TECPR2: variants seen among roughly 807,000 people sequenced by gnomAD.
TECPR2 encodes the protein tectonin beta-propeller repeat containing 2.
Under a neutral mutation model 138.1 loss-of-function variants are expected in TECPR2, and 65 were observed. The ratio of observed to expected loss-of-function variants is 0.47; its 90% confidence interval spans 0.39 to 0.58. The LOEUF is 0.58. TECPR2 is among the 20% of genes least tolerant of loss of function. The pLI, the probability that TECPR2 is intolerant of heterozygous loss-of-function variation, is 0.00. For missense variants in TECPR2, 1,553 were observed against 1,824.5 expected, an observed-to-expected ratio of 0.85 and a Z score of 2.71; for synonymous variants, 746 against 749.8, an observed-to-expected ratio of 0.99 and a Z score of 0.08.
intron 11 of TECPR2, among the ~76,000 whole-genome samples, chr14:102,442,650 C>T (rs1244452295): frequency 6.6e-6 from 1 of 152,162 alleles, no homozygotes; most frequent in Non-Finnish European, 1.5e-5. Flanking sequence ...TGGATTAGGT[C>T]CAATCCCTCT....
chr14:102,479,576 T>C (rs952588228), intron 17 of TECPR2, among the ~76,000 whole-genome samples: 6 of 152,194 alleles, frequency 3.9e-5, no homozygotes, highest in African/African-American at 1.4e-4. Context: ...GGAAATTCTT[T>C]GGCCTGATTC....
At chr14:102,435,266 T>C (rs1284346419) in intron 9 of TECPR2, 55 bp downstream of exon 9, 5 of 1,528,034 alleles carry the variant, frequency 3.3e-6, no homozygotes, top group Non-Finnish European at 4.4e-6. Flanking sequence ...TTAAGGGTAA[T>C]AATTGTCAAG....
At chr14:102,480,211 G>GTT (rs781152101) in intron 17 of TECPR2, among the ~76,000 whole-genome samples, 180 of 71,342 alleles carry the variant, frequency 2.5e-3, no homozygotes, top group Admixed American at 6.9e-3. Flanking sequence ...ATCTTGGTTG[G>GTT]TTTTTTTTTT....
chr14:102,379,920 C>G (rs1887754680), intron 2 of TECPR2, among the ~76,000 whole-genome samples: 1 of 147,742 alleles, frequency 6.8e-6, no homozygotes, highest in Admixed American at 6.8e-5. Flanking sequence ...TCTTAAAATC[C>G]ATGCACAGAG....
At chr14:102,374,797 C>G (rs767349364) in intron 1 of TECPR2, among the ~76,000 whole-genome samples, 1 of 152,178 alleles carries the variant, frequency 6.6e-6, no homozygotes, top group Non-Finnish European at 1.5e-5. Context: ...TCCCAAAGCA[C>G]TAGGATTACA....
chr14:102,376,198 A>G (rs1318678021), intron 1 of TECPR2, among the ~76,000 whole-genome samples: 1 of 152,052 alleles, frequency 6.6e-6, no homozygotes. Context: ...TCTCTTTTCC[A>G]TATCCTGTCC....
intron 4 of TECPR2, 134 bp downstream of exon 4, chr14:102,408,753 AT>A (rs1417686613): frequency 1.4e-5 from 14 of 1,019,844 alleles, no homozygotes; most frequent in Non-Finnish European, 1.8e-5. Context: ...TATTTGTAAC[AT>A]TTACTTTTAT....
At position 102,398,019 on chromosome 14, in the gene TECPR2, G is replaced by A. The variant is rs145588540; in HGVS notation, c.220-9319G>A. Among the ~76,000 whole-genome samples, 1,295 of 144,182 alleles carry A rather than the reference G, an allele frequency of 9.0e-3. 23 individuals carry two copies. Among genetic ancestry groups the A allele is most frequent in the African/African-American group, 0.032 (1,223 of 38,822 alleles). 94.6% of individuals were successfully genotyped at this position (144,182 alleles called of 152,430 possible). ...ACCCGGGAGATGGAGGTTGCACTGA[G>A]CCAAGATCGTGCCACTGCACTCCAG... On this transcript the variant is annotated intron_variant, in intron 2 of 19. Transcript: ENST00000359520.
At chr14:102,378,080 C>T (rs910013360) in intron 2 of TECPR2, among the ~76,000 whole-genome samples, 4 of 152,194 alleles carry the variant, frequency 2.6e-5, no homozygotes, top group African/African-American at 9.7e-5. Flanking sequence ...AATTCACCCA[C>T]TTAGTCAATA....
At chr14:102,471,084 T>A (rs1890644961) in intron 17 of TECPR2, among the ~76,000 whole-genome samples, 1 of 152,168 alleles carries the variant, frequency 6.6e-6, no homozygotes, top group Non-Finnish European at 1.5e-5. Context: ...CCCAAAGTGC[T>A]GGGATTACAG....
chr14:102,462,361 C>T (rs1374043541), intron 16 of TECPR2, among the ~76,000 whole-genome samples: 1 of 152,062 alleles, frequency 6.6e-6, no homozygotes. Context: ...TGTTTAAACT[C>T]CCCGGTAAAA....
At position 102,415,884 on chromosome 14, in the gene TECPR2, G is replaced by A. The variant is rs1030955119; in HGVS notation, c.638+1091G>A. Among the ~76,000 whole-genome samples, 1 of 152,168 alleles carries A rather than the reference G, an allele frequency of 6.6e-6. No individual in the cohort carries two copies. The highest frequency in any genetic ancestry group is 1.5e-5 in the Non-Finnish European group (1 of 68,032). ...CTGGGAAACATGGTGAGATTGGCAGGCGTTGATGAGGCCCTGCGGCTGGTG... is the reference window on the plus strand; with the variant it reads ...CTGGGAAACATGGTGAGATTGGCAGACGTTGATGAGGCCCTGCGGCTGGTG... On this transcript the variant is annotated intron_variant, in intron 5 of 19. Coordinates refer to ENST00000359520, the MANE Select transcript of TECPR2 (RefSeq NM_014844.5). The surrounding 1 kb of genome is among the most constrained non-coding windows in gnomAD (Gnocchi z 4.3).
chr14:102,381,561 G>C (rs1887820310), intron 2 of TECPR2, among the ~76,000 whole-genome samples: 1 of 152,174 alleles, frequency 6.6e-6, no homozygotes, highest in South Asian at 2.1e-4. Flanking sequence ...GCGACAGAGT[G>C]AGACTCCATC....
At position 102,407,459 on chromosome 14, in the gene TECPR2, A is replaced by T; in HGVS notation, c.341A>T (p.Asn114Ile). 1 of 1,612,524 alleles carries T rather than the reference A, an allele frequency of 6.2e-7. No individual in the cohort carries two copies. Among genetic ancestry groups the T allele is most frequent in the Non-Finnish European group, 8.5e-7 (1 of 1,179,312 alleles). Residue 114 changes from asparagine (N) to isoleucine (I), a missense_variant, in exon 3 of 20, where the codon AAT becomes ATT. Physicochemically the swap from Asn to Ile is moderately radical, Grantham distance 149. Transcript: ENST00000359520. ...FQLVSSLPGR[N>I]KQLRRFDVTG... is the part of the protein sequence containing the mutation. ...CTTGTATCTTCATTGCCAGGGAGAA[A>T]TAAACAGGTGAGTACTCATGATCTT...
intron 16 of TECPR2, among the ~76,000 whole-genome samples, chr14:102,455,048 T>G (rs551970849): frequency 3.3e-5 from 5 of 152,166 alleles, no homozygotes; most frequent in Non-Finnish European, 5.9e-5. Context: ...TGGGCTTCAC[T>G]GGGAGGTTTC....
intron 7 of TECPR2, among the ~76,000 whole-genome samples, chr14:102,429,905 G>A (rs1225967612): frequency 6.6e-6 from 1 of 152,178 alleles, no homozygotes; most frequent in African/African-American, 2.4e-5. Context: ...TGGCTGCTGA[G>A]TACTTGCAAT....
intron 17 of TECPR2, among the ~76,000 whole-genome samples, chr14:102,475,868 A>G (rs536813287): frequency 1.3e-5 from 2 of 152,310 alleles, no homozygotes; most frequent in East Asian, 3.9e-4. Flanking sequence ...TATGTGTTCA[A>G]GAAGCTAGTA....
At chr14:102,495,806 A>G (rs1179822853) in intron 17 of TECPR2, among the ~76,000 whole-genome samples, 2 of 152,290 alleles carry the variant, frequency 1.3e-5, no homozygotes, top group Admixed American at 6.5e-5. Context: ...CATTTCATAC[A>G]TGCGTTCATC....
rs1256463846 is a variant in TECPR2 at position 102,415,385 on chromosome 14, C to T, written c.638+592C>T. Among the ~76,000 whole-genome samples the T allele has an allele frequency of 6.6e-6, 1 of 152,142 alleles. No homozygotes were observed. On this transcript the variant is annotated intron_variant, in intron 5 of 19. Transcript: ENST00000359520. This position sits in a 1 kb window ranked among gnomAD's most constrained non-coding sequence, Gnocchi z 4.3. ...GGAAGACATCCTGAAGGCATGGGTT[C>T]CAGGTTGAGAGATCATTCCTCCTTT...
Sources: gnomAD v4.1 joint callset for allele counts (sites outside exome capture counted in the v4.1 genomes callset) on GRCh38, gnomAD v4.1.1 for gene constraint, Gnocchi (gnomAD v3.1) non-coding constraint, MANE v1.5 for transcripts, NCBI Gene and HGNC (gene_info 2026-07-23, HGNC 2026-07-21) for gene names.